DAB1: variants seen among roughly 807,000 people sequenced by gnomAD.
The protein encoded by DAB1 is disabled homolog 1.
Under a neutral mutation model 64.6 loss-of-function variants are expected in DAB1, and 15 were observed. That is an observed-to-expected ratio of 0.23 (90% CI 0.16 to 0.36). The LOEUF is 0.36. Among genes scored for constraint, DAB1 ranks in the 10% least tolerant of loss-of-function variants. The pLI, the probability that DAB1 is intolerant of heterozygous loss-of-function variation, is 1.00. For synonymous variants in DAB1, 235 were observed against 251.9 expected, an observed-to-expected ratio of 0.93 and a Z score of 0.64; for missense variants, 596 against 706.7, an observed-to-expected ratio of 0.84 and a Z score of 1.78.
chr1:58,539,458 C>T, intron 1 of DAB1: 1 of 583,150 alleles, frequency 1.7e-6, no homozygotes, highest in East Asian at 2.8e-5. Flanking sequence ...ACCCCTAGAG[C>T]AACGCCTTTC....
chr1:58,260,418 T>C (rs1569576865), intron 4 of DAB1, among the ~76,000 whole-genome samples: 1 of 152,112 alleles, frequency 6.6e-6, no homozygotes, highest in Non-Finnish European at 1.5e-5. Flanking sequence ...GGCTGGGCCC[T>C]CCCACCACTA....
chr1:58,352,503 T>A (rs1644067920), intron 3 of DAB1, among the ~76,000 whole-genome samples: 1 of 152,146 alleles, frequency 6.6e-6, no homozygotes, highest in Non-Finnish European at 1.5e-5. Flanking sequence ...TAGGGATGAG[T>A]AAAGTTTAGA....
intron 4 of DAB1, among the ~76,000 whole-genome samples, chr1:57,101,518 T>A (rs968681517): frequency 6.6e-6 from 1 of 152,202 alleles, no homozygotes; most frequent in Non-Finnish European, 1.5e-5. Context: ...CCAAATCCAA[T>A]CATCTCCAGG....
intron 4 of DAB1, among the ~76,000 whole-genome samples, chr1:58,254,054 A>T (rs1296043603): frequency 1.3e-5 from 2 of 152,200 alleles, no homozygotes; most frequent in Non-Finnish European, 1.5e-5. Flanking sequence ...CAAGCCCTAG[A>T]GTAACTTATA....
At chr1:57,944,762 C>G (rs903477575) in intron 5 of DAB1, among the ~76,000 whole-genome samples, 1 of 152,154 alleles carries the variant, frequency 6.6e-6, no homozygotes, top group Non-Finnish European at 1.5e-5. Flanking sequence ...CCAAAAAGCG[C>G]TATCTCATCT....
intron 7 of DAB1, among the ~76,000 whole-genome samples, chr1:57,553,505 G>GAAGGAAGA (rs57000232): frequency 0.055 from 6,634 of 120,266 alleles, 673 homozygotes; most frequent in East Asian, 0.16. Context: ...AGGAAGGAAG[G>GAAGGAAGA]AAGAGAGAGA....
intron 5 of DAB1, among the ~76,000 whole-genome samples, chr1:57,903,439 T>C (rs911801169): frequency 5.3e-5 from 8 of 152,154 alleles, no homozygotes; most frequent in Non-Finnish European, 8.8e-5. Context: ...TTGCTTGCTG[T>C]CCTTATTCTT....
chr1:57,527,579 T>A (rs574466085), intron 7 of DAB1, among the ~76,000 whole-genome samples: 1 of 152,312 alleles, frequency 6.6e-6, no homozygotes, highest in East Asian at 1.9e-4. Context: ...TCCTACTACA[T>A]GCATTGATAT....
chr1:58,020,786 T>C (rs1646804447), intron 5 of DAB1, among the ~76,000 whole-genome samples: 1 of 152,152 alleles, frequency 6.6e-6, no homozygotes, highest in Non-Finnish European at 1.5e-5. Context: ...GCGGATTACT[T>C]GAGGTCAGGA....
intron 4 of DAB1, among the ~76,000 whole-genome samples, chr1:58,203,739 C>CA (rs1430773087): frequency 6.6e-6 from 1 of 152,174 alleles, no homozygotes; most frequent in Non-Finnish European, 1.5e-5. Context: ...TAACATTGAT[C>CA]AAACTGCACT....
chr1:58,192,769 A>C (rs936208944), intron 4 of DAB1, among the ~76,000 whole-genome samples: 2 of 152,220 alleles, frequency 1.3e-5, no homozygotes, highest in African/African-American at 4.8e-5. Context: ...CAATAAATAT[A>C]TAAGTGTAGG....
At chr1:57,056,882 T>G in intron 9 of DAB1, among the ~76,000 whole-genome samples, 1 of 151,648 alleles carries the variant, frequency 6.6e-6, no homozygotes, top group South Asian at 2.1e-4. Context: ...AAAAAAAAGT[T>G]CGGTAGAAAT....
At position 58,242,347 on chromosome 1, in the gene DAB1, A is replaced by C. The variant is rs147260974; in HGVS notation, n.310-91759T>G. On this transcript the variant is annotated intron_variant and non_coding_transcript_variant, in intron 4 of 20. Transcript: ENST00000485760. ...CTTAGAAAATACAGAAGGCATCTGG[A>C]TTGTTAGACCAGTTTGTAAACAAGC... Among the ~76,000 whole-genome samples the C allele has an allele frequency of 5.2e-3, 797 of 152,222 alleles. 12 individuals are homozygous for C. The highest frequency in any genetic ancestry group is 5.4e-3 in the Non-Finnish European group (366 of 67,940).
chr1:57,594,317 G>A (rs113453090), intron 7 of DAB1, among the ~76,000 whole-genome samples: 7 of 152,316 alleles, frequency 4.6e-5, no homozygotes, highest in Non-Finnish European at 5.9e-5. Flanking sequence ...CTATGTCTTC[G>A]TCTTTGGGCA....
rs58190428 is a variant in DAB1, at chr1:57,836,628, C to T, written n.88-10173G>A. Among the ~76,000 whole-genome samples the T allele has an allele frequency of 7.8e-3, 1,192 of 152,328 alleles. 20 individuals are homozygous for T. The highest frequency in any genetic ancestry group is 0.027 in the African/African-American group (1,108 of 41,562). On this transcript the variant is annotated intron_variant and non_coding_transcript_variant, in intron 1 of 1. Coordinates refer to the DAB1 transcript ENST00000477280. ...ATAAATTTCCCACCTATGGTATCTC[C>T]GCATCTCATTCGGCATCCGCCATCT...
At chr1:57,118,963 G>A (rs968245439) in intron 4 of DAB1, among the ~76,000 whole-genome samples, 6 of 152,276 alleles carry the variant, frequency 3.9e-5, no homozygotes, top group African/African-American at 7.2e-5. Flanking sequence ...GTAGAAGCCC[G>A]TAAGTGACAG....
At chr1:57,714,870 G>C (rs980484790) in intron 6 of DAB1, among the ~76,000 whole-genome samples, 10 of 152,060 alleles carry the variant, frequency 6.6e-5, no homozygotes, top group Non-Finnish European at 1.0e-4. Context: ...TTGGGGGCTG[G>C]GGAGTGATAA....
chr1:57,160,243 T>C (rs934020382), intron 2 of DAB1, among the ~76,000 whole-genome samples: 2 of 152,184 alleles, frequency 1.3e-5, no homozygotes, highest in South Asian at 2.1e-4. Flanking sequence ...AGGCACAGAA[T>C]AGGCTTTAAA....
chr1:58,368,488 C>A (rs993724912), intron 3 of DAB1, among the ~76,000 whole-genome samples: 5 of 152,108 alleles, frequency 3.3e-5, no homozygotes, highest in African/African-American at 7.2e-5. Flanking sequence ...ATCAGTATGG[C>A]CTTAGTGGCA....
Sources: gnomAD v4.1 joint callset for allele counts (sites outside exome capture counted in the v4.1 genomes callset) on GRCh38, gnomAD v4.1.1 for gene constraint, MANE v1.5 for transcripts, NCBI Gene and HGNC (gene_info 2026-07-23, HGNC 2026-07-21) for gene names.